The following RASA3 variants were observed in gnomAD, a reference collection of about 807,000 sequenced individuals.
RASA3 encodes the protein RAS p21 protein activator 3.
RASA3 carries 73 observed loss-of-function variants against 110.0 expected under a neutral mutation model. The observed-to-expected ratio is 0.66, with a 90% CI of 0.55 to 0.81. The LOEUF is 0.81. Among genes scored for constraint, RASA3 ranks in the 30% least tolerant of loss-of-function variants. The probability of loss-of-function intolerance (pLI) is 0.00; values close to 1 mark genes in which losing one functional copy is unlikely to be tolerated. For missense variants in RASA3, 976 were observed against 1,113.2 expected (o/e 0.88, Z 1.75); for synonymous variants, 500 against 451.4 (o/e 1.11, Z -1.37).
In RASA3 at chr13:113,977,855, A is replaced by T. The variant is rs1413681313; in HGVS notation, c.*1492T>A. 1.3e-5 allele frequency: 2 copies of T among 152,470 alleles called. No individual in the cohort carries two copies. The highest frequency in any genetic ancestry group is 1.9e-4 in the East Asian group (1 of 5,202). The allele number at this position is 152,470 out of a possible 1,614,324, so 9.4% of individuals were successfully genotyped here. A position where few individuals can be genotyped will look rare whatever the true frequency, so the allele number is the denominator to read the frequency against. Reference sequence around the variant, plus strand: ...CAAATCATTAGTATTTTATAAACAGAAACATTAAGTTATAAATCCATGTTA... The same window carrying T: ...CAAATCATTAGTATTTTATAAACAGTAACATTAAGTTATAAATCCATGTTA... On this transcript the variant is annotated 3_prime_UTR_variant, in exon 24 of 24. Coordinates refer to ENST00000334062, the MANE Select transcript of RASA3 (RefSeq NM_007368.4).
intron 7 of RASA3, among the ~76,000 whole-genome samples, chr13:114,025,718 A>T (rs995338419): frequency 1.9e-4 from 29 of 152,252 alleles, no homozygotes; most frequent in African/African-American, 6.3e-4. Flanking sequence ...TTAGAGAGTT[A>T]AAGGGTCTTA....
In RASA3 at chr13:114,114,755, C is replaced by T. The variant is rs1001860124; in HGVS notation, c.55+17680G>A. Among the ~76,000 whole-genome samples, 1 of 152,202 alleles carries T rather than the reference C, an allele frequency of 6.6e-6. No individual in the cohort carries two copies. The highest frequency in any genetic ancestry group is 1.5e-5 in the Non-Finnish European group (1 of 68,036). ...TGTAAACCCGAGGGCAGGTTAAACA[C>T]GCTCCCTCCAAAGCTTACTTGGCTT... is the stretch of plus-strand genomic sequence containing the variant. On this transcript the variant is annotated intron_variant, in intron 1 of 23. Transcript: ENST00000334062. The surrounding 1 kb of genome is among the most constrained non-coding windows in gnomAD (Gnocchi z 4.8).
In RASA3 at chr13:114,017,362, G is replaced by A. The variant is rs566094320; in HGVS notation, c.1092-11C>T. Reference sequence around the variant, plus strand: ...ATGGTGTTGGGGTCCCTGGGAAATGGCGATGGGGACAGCGTTTGTCTCCTG... The same window carrying A: ...ATGGTGTTGGGGTCCCTGGGAAATGACGATGGGGACAGCGTTTGTCTCCTG... On this transcript the variant is annotated splice_polypyrimidine_tract_variant and intron_variant, in intron 11 of 23. Coordinates refer to ENST00000334062, the MANE Select transcript of RASA3 (RefSeq NM_007368.4). 3.9e-5 allele frequency: 62 copies of A among 1,607,500 alleles called. No homozygotes were observed. In the South Asian group the frequency reaches 6.0e-4, roughly 16 times the overall value.
rs1436251136 is a variant in RASA3, at chr13:114,073,845, G to C, written c.56-8C>G. 5 of 1,604,094 alleles carry C rather than the reference G, an allele frequency of 3.1e-6. No homozygotes were observed. Among genetic ancestry groups the C allele is most frequent in the Non-Finnish European group, 4.3e-6 (5 of 1,170,984 alleles). ...GAAGGTTTTTGGCTTCACCTAAAAA[G>C]TAAAAGCGACATACATCATCAGCAG... On this transcript the variant is annotated splice_region_variant and splice_polypyrimidine_tract_variant and intron_variant, in intron 1 of 23. Coordinates refer to ENST00000334062, the MANE Select transcript of RASA3 (RefSeq NM_007368.4).
intron 2 of RASA3, among the ~76,000 whole-genome samples, chr13:114,054,803 G>T (rs559396705): frequency 6.6e-6 from 1 of 152,364 alleles, no homozygotes; most frequent in Admixed American, 6.5e-5. Context: ...GTTAATGAAG[G>T]CCCATTAGAA....
intron 1 of RASA3, among the ~76,000 whole-genome samples, chr13:114,100,065 G>C (rs899165699): frequency 1.3e-5 from 2 of 150,568 alleles, no homozygotes; most frequent in Middle Eastern, 3.4e-3. Context: ...CAAAGCGTCT[G>C]CTCTGGAAGA....
chr13:114,056,688 T>C lies in RASA3; in HGVS notation c.174-4533A>G. 1 of 982,768 alleles carries C rather than the reference T, an allele frequency of 1.0e-6. No homozygotes were observed. The highest frequency in any genetic ancestry group is 1.2e-6 in the Non-Finnish European group (1 of 827,604). The allele number at this position is 982,768 out of a possible 1,614,324, so 60.9% of individuals were successfully genotyped here. On this transcript the variant is annotated intron_variant, in intron 2 of 23. Coordinates refer to ENST00000334062, the MANE Select transcript of RASA3 (RefSeq NM_007368.4). The surrounding 1 kb of genome is among the most constrained non-coding windows in gnomAD (Gnocchi z 5.7). ...CCGTGGAAATTGAGGTGCTTAAAAT[T>C]CATAAATAAACCAGAAATCCATTCA... is the stretch of plus-strand genomic sequence containing the variant.
intron 12 of RASA3, among the ~76,000 whole-genome samples, chr13:114,016,989 T>C (rs771252414): frequency 9.9e-5 from 15 of 152,236 alleles, no homozygotes; most frequent in Non-Finnish European, 1.8e-4. Context: ...TTTTCTTGCA[T>C]GTTCTCCTTT....
Position 114,014,767 on chromosome 13 carries a change from A to G in RASA3, c.1405+442T>C, listed in dbSNP as rs2053751492. ...GAAGACACGGGCAGGCAGAGCCCCC[A>G]ACACCACTCTGGGCCCTGCCAGGGT... On this transcript the variant is annotated intron_variant, in intron 14 of 23. Transcript: ENST00000334062. This position sits in a 1 kb window ranked among gnomAD's most constrained non-coding sequence, Gnocchi z 4.5. Among the ~76,000 whole-genome samples the G allele has an allele frequency of 6.6e-6, 1 of 152,080 alleles. No homozygotes were observed.
intron 8 of RASA3, among the ~76,000 whole-genome samples, chr13:114,022,977 T>G (rs956739864): frequency 1.2e-4 from 18 of 152,252 alleles, no homozygotes; most frequent in African/African-American, 3.6e-4. Flanking sequence ...TCAGGGACAT[T>G]CTATGGTTCA....
chr13:114,071,557 A>G (rs1436118268), intron 2 of RASA3, among the ~76,000 whole-genome samples: 1 of 152,154 alleles, frequency 6.6e-6, no homozygotes, highest in Non-Finnish European at 1.5e-5. Context: ...GTCTCTTCCC[A>G]TTTTCTTCAG....
chr13:114,042,839 G>A (rs1022754157), intron 3 of RASA3, among the ~76,000 whole-genome samples: 6 of 152,200 alleles, frequency 3.9e-5, no homozygotes, highest in African/African-American at 1.2e-4. Flanking sequence ...CCTCTCACAG[G>A]TGCCATCTCA....
chr13:114,049,553 G>A (rs528901077), intron 3 of RASA3, among the ~76,000 whole-genome samples: 13 of 152,294 alleles, frequency 8.5e-5, no homozygotes, highest in South Asian at 2.1e-4. Flanking sequence ...TAGGGTTGTC[G>A]CTCAAAAAAT....
At chr13:113,998,405 C>T (rs1370098348) in intron 20 of RASA3, among the ~76,000 whole-genome samples, 1 of 152,232 alleles carries the variant, frequency 6.6e-6, no homozygotes, top group Non-Finnish European at 1.5e-5. Context: ...TAAAATTCTG[C>T]CAATGGTAAG....
intron 9 of RASA3, 43 bp downstream of exon 9, chr13:114,021,361 G>A: frequency 6.4e-7 from 1 of 1,565,094 alleles, no homozygotes; most frequent in Non-Finnish European, 8.8e-7. Flanking sequence ...TGTTTTTGTG[G>A]CTCTCAGAGA....
At position 114,024,174 on chromosome 13, in the gene RASA3, A is replaced by C. The variant is rs963737149; in HGVS notation, c.680+105T>G. Reference sequence around the variant, plus strand: ...TTGTGAAAATTACCAAGAAAATGGAAATTCATTTCTATCTATGACCCTATA... The same window carrying C: ...TTGTGAAAATTACCAAGAAAATGGACATTCATTTCTATCTATGACCCTATA... On this transcript the variant is annotated intron_variant, in intron 8 of 23. Transcript: ENST00000334062. 7.9e-6 allele frequency: 9 copies of C among 1,145,572 alleles called. No homozygotes were observed. In the African/African-American group the frequency reaches 1.4e-4, roughly 18 times the overall value. 71.0% of individuals were successfully genotyped at this position (1,145,572 alleles called of 1,614,324 possible).
At position 114,090,255 on chromosome 13, in the gene RASA3, C is replaced by T. The variant is rs61230784; in HGVS notation, c.56-16418G>A. On this transcript the variant is annotated intron_variant, in intron 1 of 23. Coordinates refer to ENST00000334062, the MANE Select transcript of RASA3 (RefSeq NM_007368.4). ...CGTGCCTTCACACCTGCCTGCAAAG[C>T]GCAAGCGTTACCATGTCTCTACACC... Among the ~76,000 whole-genome samples the T allele has an allele frequency of 8.8e-3, 1,342 of 152,312 alleles. 23 individuals are homozygous for T. The highest frequency in any genetic ancestry group is 0.031 in the African/African-American group (1,282 of 41,560).
At chr13:114,059,751 A>G (rs915443573) in intron 2 of RASA3, among the ~76,000 whole-genome samples, 2 of 152,234 alleles carry the variant, frequency 1.3e-5, no homozygotes, top group African/African-American at 4.8e-5. Context: ...AACAACGGGG[A>G]GCACTTTCGA....
chr13:114,113,500 C>T (rs1020651383), intron 1 of RASA3, among the ~76,000 whole-genome samples: 3 of 152,328 alleles, frequency 2.0e-5, no homozygotes, highest in African/African-American at 2.4e-5. Context: ...AAATGCTACC[C>T]GGGAATGTAA....
Sources: allele counts gnomAD v4.1 joint callset (sites outside exome capture counted in the v4.1 genomes callset), GRCh38; gene constraint gnomAD v4.1.1; non-coding constraint Gnocchi (gnomAD v3.1); transcripts MANE v1.5; gene names NCBI Gene and HGNC (gene_info 2026-07-23, HGNC 2026-07-21).